Variants in PCDHGA6 observed in about 807,000 individuals in gnomAD.
PCDHGA6 encodes the protein protocadherin gamma subfamily A, 6.
In PCDHGA6, 41 loss-of-function variants were observed where a neutral mutation model predicts 60.6. The ratio of observed to expected loss-of-function variants is 0.68; its 90% CI spans 0.53 to 0.88. The LOEUF (loss-of-function observed/expected upper bound fraction) is 0.88, where lower values mean the gene tolerates loss of function less well. PCDHGA6 is among the 40% of genes least tolerant of loss of function. The pLI, the probability that PCDHGA6 is intolerant of heterozygous loss-of-function variation, is 0.00. For synonymous variants in PCDHGA6, 594 were observed against 524.4 expected (o/e 1.13, Z -1.81); for missense variants, 1,312 against 1,203.0 (o/e 1.09, Z -1.34).
In PCDHGA6 at chr5:141,432,611, T is replaced by G. The variant is rs141541670; in HGVS notation, c.2424+56104T>G. The G allele has an allele frequency of 4.2e-4, 676 of 1,613,808 alleles. 1 individual carries two copies. The African/African-American group carries it at 5.6e-3, about 13-fold the overall frequency. On this transcript the variant is annotated intron_variant, in intron 1 of 3. Coordinates refer to ENST00000517434, the MANE Select transcript of PCDHGA6 (RefSeq NM_018919.3). This position sits in a 1 kb window ranked among gnomAD's most constrained non-coding sequence, Gnocchi z 6.0. ...CAAGGCCAGCGAGCCGGGACTCTTC[T>G]CGGTGGGTCTGCACACGGGCGAGGT...
intron 1 of PCDHGA6, chr5:141,384,930 C>A (rs764481830): frequency 6.2e-7 from 1 of 1,614,060 alleles, no homozygotes; most frequent in Admixed American, 1.7e-5. Flanking sequence ...ACCTGGGCAG[C>A]CTTGAGCCCT....
chr5:141,409,850 G>A lies in PCDHGA6; in HGVS notation c.2424+33343G>A. ...GCTCAGCGCCAACGTGAGCCTGCGC[G>A]TGTTGGTGGGAGACCGCAATGACAA... On this transcript the variant is annotated intron_variant, in intron 1 of 3. Transcript: ENST00000517434. 6.2e-7 allele frequency: 1 copy of A among 1,612,142 alleles called. No individual in the cohort carries two copies. Among genetic ancestry groups the A allele is most frequent in the African/African-American group, 1.3e-5 (1 of 75,014 alleles).
chr5:141,403,623 G>A (rs765775423), intron 1 of PCDHGA6: 1 of 1,613,898 alleles, frequency 6.2e-7, no homozygotes, highest in South Asian at 1.1e-5. Context: ...CGTCGCTCCA[G>A]CACAGTGCGC....
chr5:141,433,222 A>G, intron 1 of PCDHGA6: 6 of 1,519,556 alleles, frequency 3.9e-6, no homozygotes, highest in Non-Finnish European at 5.4e-6. Flanking sequence ...TTTTTTTTTA[A>G]TTGCTCTGTC....
intron 1 of PCDHGA6, chr5:141,413,874 T>C: frequency 6.2e-7 from 1 of 1,613,424 alleles, no homozygotes; most frequent in Non-Finnish European, 8.5e-7. Context: ...TCCTTGTCAG[T>C]GTGACTGTCT....
chr5:141,422,616 C>T, intron 1 of PCDHGA6: 1 of 1,613,714 alleles, frequency 6.2e-7, no homozygotes. Flanking sequence ...CCTACATTCC[C>T]GAAAACAACC....
chr5:141,424,434 T>C (rs2096821185), intron 1 of PCDHGA6: 1 of 151,048 alleles, frequency 6.6e-6, no homozygotes, highest in Admixed American at 6.6e-5. Flanking sequence ...GAGGAAATAA[T>C]TGAATTATTG....
rs777670481 is a variant in PCDHGA6, at chr5:141,385,026, C to T, written c.2424+8519C>T. 2.5e-6 allele frequency: 4 copies of T among 1,614,190 alleles called. No homozygotes were observed. The East Asian group carries it at 6.7e-5, about 27-fold the overall frequency. On this transcript the variant is annotated intron_variant, in intron 1 of 3. Coordinates refer to ENST00000517434, the MANE Select transcript of PCDHGA6 (RefSeq NM_018919.3). Reference sequence around the variant, plus strand: ...CCTGCGTCTTCCTAGCCTTCGTCCTCGTACTGCTGGCGCTCAGGCTGCGGC... The same window carrying T: ...CCTGCGTCTTCCTAGCCTTCGTCCTTGTACTGCTGGCGCTCAGGCTGCGGC...
rs767107885 is a variant in PCDHGA6, at chr5:141,423,138, C to T, written c.2424+46631C>T. ...CAGCGCGGGCACTGCTGGACAGAGA[C>T]GCGCTCAAGCAGAGCCTCGTGGTGG... On this transcript the variant is annotated intron_variant, in intron 1 of 3. Transcript: ENST00000517434. 2.5e-6 allele frequency: 4 copies of T among 1,613,606 alleles called. 1 individual carries two copies. The highest frequency in any genetic ancestry group is 3.4e-6 in the Non-Finnish European group (4 of 1,179,912).
chr5:141,383,193 G>A, intron 1 of PCDHGA6: 2 of 1,614,066 alleles, frequency 1.2e-6, no homozygotes, highest in Non-Finnish European at 1.7e-6. Flanking sequence ...TCTGCGCTCA[G>A]AGTGCGCGGT....
chr5:141,422,541 T>C (rs1389095817), intron 1 of PCDHGA6: 1 of 1,613,992 alleles, frequency 6.2e-7, no homozygotes. Context: ...CAGAAACTCA[T>C]GTCTGGCTGA....
intron 1 of PCDHGA6, among the ~76,000 whole-genome samples, chr5:141,469,317 C>T (rs1354878667): frequency 6.6e-6 from 1 of 152,092 alleles, no homozygotes; most frequent in Non-Finnish European, 1.5e-5. Flanking sequence ...TGGCTCACGC[C>T]TGTAATCCCA....
intron 1 of PCDHGA6, chr5:141,398,344 C>G (rs901692894): frequency 7.3e-7 from 1 of 1,372,066 alleles, no homozygotes; most frequent in African/African-American, 1.5e-5. Context: ...TTCGGAGAAG[C>G]CTTACTTCAC....
chr5:141,382,040 G>T, intron 1 of PCDHGA6, among the ~76,000 whole-genome samples: 1 of 151,758 alleles, frequency 6.6e-6, no homozygotes, highest in Admixed American at 6.6e-5. Flanking sequence ...TGTTGGTCAG[G>T]CTGGTCTCAA....
At chr5:141,423,409 G>T (rs1168604361) in intron 1 of PCDHGA6, 1 of 1,614,148 alleles carries the variant, frequency 6.2e-7, no homozygotes, top group South Asian at 1.1e-5. Flanking sequence ...CCTGCTGCAG[G>T]CTTCTGAAGG....
At chr5:141,437,930 G>A (rs142381129) in intron 1 of PCDHGA6, among the ~76,000 whole-genome samples, 2,019 of 152,152 alleles carry the variant, frequency 0.013, 16 homozygotes, top group Middle Eastern at 0.034. Context: ...TAGAGATGGG[G>A]TTTCACCATA....
At position 141,490,044 on chromosome 5, in the gene PCDHGA6, T is replaced by C; in HGVS notation, c.2425-4763T>C. The C allele has an allele frequency of 1.2e-6, 2 of 1,614,192 alleles. No individual in the cohort carries two copies. Among genetic ancestry groups the C allele is most frequent in the Non-Finnish European group, 1.7e-6 (2 of 1,180,024 alleles). The stretch of plus-strand genomic sequence containing the variant: ...TGCTGCTCCGCCTCAATGCCACTGA[T>C]CCAGACGAGGGCACCAACGGCCAAC... On this transcript the variant is annotated intron_variant, in intron 1 of 3. Transcript: ENST00000517434. The surrounding 1 kb of genome is among the most constrained non-coding windows in gnomAD (Gnocchi z 5.4).
chr5:141,492,859 C>T (rs966216924), intron 1 of PCDHGA6, among the ~76,000 whole-genome samples: 1 of 152,232 alleles, frequency 6.6e-6, no homozygotes, highest in Non-Finnish European at 1.5e-5. Flanking sequence ...CTCGAGCGCC[C>T]TGGCTCTCAA....
At chr5:141,465,905 G>C (rs938438286) in intron 1 of PCDHGA6, among the ~76,000 whole-genome samples, 8 of 151,958 alleles carry the variant, frequency 5.3e-5, no homozygotes, top group Non-Finnish European at 8.8e-5. Context: ...GGCAAATCAC[G>C]AGGTCAGGAT....
Sources: allele counts gnomAD v4.1 joint callset (sites outside exome capture counted in the v4.1 genomes callset), GRCh38; gene constraint gnomAD v4.1.1; non-coding constraint Gnocchi (gnomAD v3.1); transcripts MANE v1.5; gene names NCBI Gene and HGNC (gene_info 2026-07-23, HGNC 2026-07-21).